The following CYB5B variants were observed in gnomAD, a reference collection of about 807,000 sequenced individuals.
CYB5B encodes the protein cytochrome b5 type B, also known as cytochrome b5 type B (outer mitochondrial membrane).
In CYB5B, 14 loss-of-function variants were observed where a neutral mutation model predicts 21.3. The observed-to-expected ratio is 0.66, with a 90% CI of 0.43 to 1.03. The LOEUF is 1.03. Among genes scored for constraint, CYB5B ranks in the 50% least tolerant of loss-of-function variants. The pLI, the probability that CYB5B is intolerant of heterozygous loss-of-function variation, is 0.00. For missense variants in CYB5B, 166 were observed against 185.1 expected, an observed-to-expected ratio of 0.90 and a Z score of 0.60; for synonymous variants, 69 against 68.4, an observed-to-expected ratio of 1.01 and a Z score of -0.04.
intron 1 of CYB5B, among the ~76,000 whole-genome samples, chr16:69,444,996 G>A (rs2311396): frequency 0.35 from 53,798 of 152,134 alleles, 10,576 homozygotes; most frequent in Admixed American, 0.46. Flanking sequence ...ACTGATGAAA[G>A]TGAAAGTACT....
At chr16:69,425,870 A>G (rs2014639851) in intron 1 of CYB5B, among the ~76,000 whole-genome samples, 1 of 152,176 alleles carries the variant, frequency 6.6e-6, no homozygotes, top group Non-Finnish European at 1.5e-5. Flanking sequence ...TGACTTGTGA[A>G]AGTTCACTTC....
intron 3 of CYB5B, among the ~76,000 whole-genome samples, chr16:69,458,649 G>A (rs1165738468): frequency 2.0e-5 from 3 of 152,098 alleles, no homozygotes; most frequent in Non-Finnish European, 4.4e-5. Context: ...TCATCTGTAT[G>A]ATCTAGAGCA....
intron 1 of CYB5B, among the ~76,000 whole-genome samples, chr16:69,432,840 A>T (rs2014720535): frequency 6.6e-6 from 1 of 152,008 alleles, no homozygotes. Flanking sequence ...TCTATCACCC[A>T]GGCTGGAGTG....
intron 1 of CYB5B, among the ~76,000 whole-genome samples, chr16:69,426,851 A>G (rs1176907060): frequency 1.3e-5 from 2 of 152,178 alleles, no homozygotes; most frequent in East Asian, 1.9e-4. Context: ...TCTTGTCTGC[A>G]TAGCATTACT....
chr16:69,450,712 C>T (rs565154690), intron 3 of CYB5B, among the ~76,000 whole-genome samples: 1 of 152,248 alleles, frequency 6.6e-6, no homozygotes, highest in African/African-American at 2.4e-5. Flanking sequence ...AAATGGAGTT[C>T]ATTTCATTGG....
intron 1 of CYB5B, among the ~76,000 whole-genome samples, chr16:69,437,581 T>C (rs2014774053): frequency 6.6e-6 from 1 of 152,146 alleles, no homozygotes; most frequent in Admixed American, 6.6e-5. Flanking sequence ...TATATAAACC[T>C]AACTTTACTC....
rs1455157493 is a variant in CYB5B at position 69,463,701 on chromosome 16, A to G, written c.*1181A>G. On this transcript the variant is annotated 3_prime_UTR_variant, in exon 5 of 5. Coordinates refer to ENST00000307892, the MANE Select transcript of CYB5B (RefSeq NM_030579.3). ...AAATGGTATTTGAAAGTGAGAGTTC[A>G]TGACAACAGACCGTTTTCCATTTCA... The G allele has an allele frequency of 2.0e-5, 3 of 152,160 alleles. No homozygotes were observed. The highest frequency in any genetic ancestry group is 6.5e-5 in the Admixed American group (1 of 15,280). 9.4% of individuals were successfully genotyped at this position (152,160 alleles called of 1,614,324 possible).
intron 1 of CYB5B, 82 bp downstream of exon 1, chr16:69,424,939 G>C (rs920580813): frequency 1.5e-6 from 2 of 1,356,898 alleles, no homozygotes; most frequent in African/African-American, 3.0e-5. Flanking sequence ...TGGGAAGGAA[G>C]GGAGGCTTGG....
intron 1 of CYB5B, among the ~76,000 whole-genome samples, chr16:69,426,576 G>A (rs542595365): frequency 1.6e-4 from 24 of 151,286 alleles, no homozygotes; most frequent in Non-Finnish European, 2.4e-4. Context: ...CTGGTGGTGG[G>A]CGCCTGTAAT....
At position 69,445,283 on chromosome 16, in the gene CYB5B, T is replaced by G. The variant is rs866599322; in HGVS notation, c.175-1867T>G. On this transcript the variant is annotated intron_variant, in intron 1 of 4. Transcript: ENST00000307892. ...TGAATCGTGGCTGTCTTACTCTTGCTGTAAAATAGCATTCTTAAATACTGG... is the reference window on the plus strand; with the variant it reads ...TGAATCGTGGCTGTCTTACTCTTGCGGTAAAATAGCATTCTTAAATACTGG... Among the ~76,000 whole-genome samples, 3 of 152,346 alleles carry G rather than the reference T, an allele frequency of 2.0e-5. No individual in the cohort carries two copies. The South Asian group carries it at 6.2e-4, about 32-fold the overall frequency.
At chr16:69,432,089 A>G (rs1348669125) in intron 1 of CYB5B, among the ~76,000 whole-genome samples, 3 of 152,208 alleles carry the variant, frequency 2.0e-5, no homozygotes, top group African/African-American at 2.4e-5. Context: ...AGCTGTGTCT[A>G]TAGTGAATGA....
At chr16:69,445,031 CAA>C (rs2014864211) in intron 1 of CYB5B, among the ~76,000 whole-genome samples, 2 of 152,046 alleles carry the variant, frequency 1.3e-5, no homozygotes, top group South Asian at 4.1e-4. Flanking sequence ...TGTAGCAAGT[CAA>C]AAATTCAGTC....
At chr16:69,424,998 CTG>C (rs755136165) in intron 1 of CYB5B, 141 bp downstream of exon 1, 2 of 869,614 alleles carry the variant, frequency 2.3e-6, no homozygotes, top group African/African-American at 1.7e-5. Flanking sequence ...CAGAGGGAAA[CTG>C]GGGTGGGATT....
intron 3 of CYB5B, among the ~76,000 whole-genome samples, chr16:69,457,878 A>G (rs2014997444): frequency 6.6e-6 from 1 of 152,204 alleles, no homozygotes; most frequent in African/African-American, 2.4e-5. Context: ...GCTCTAAAGT[A>G]TATTGGGGCC....
In CYB5B at chr16:69,446,147, A is replaced by G. The variant is rs555111763; in HGVS notation, c.175-1003A>G. Among the ~76,000 whole-genome samples, 4 of 152,236 alleles carry G rather than the reference A, an allele frequency of 2.6e-5. No individual in the cohort carries two copies. The South Asian group carries it at 8.3e-4, about 32-fold the overall frequency. ...TCTTCTGGAGTGCAAAGTGTTTTAT[A>G]TGCTTATCTCATTTAATATGTACAA... On this transcript the variant is annotated intron_variant, in intron 1 of 4. Transcript: ENST00000307892.
chr16:69,455,710 G>A (rs71397974), intron 3 of CYB5B, among the ~76,000 whole-genome samples: 12,750 of 152,036 alleles, frequency 0.084, 624 homozygotes, highest in South Asian at 0.18. Context: ...ACCGCGACTG[G>A]CCTTTTTGTC....
At chr16:69,458,450 A>G (rs2015002647) in intron 3 of CYB5B, among the ~76,000 whole-genome samples, 1 of 152,224 alleles carries the variant, frequency 6.6e-6, no homozygotes. Flanking sequence ...AATGCTGTGA[A>G]GTTTGTAGCA....
intron 1 of CYB5B, among the ~76,000 whole-genome samples, chr16:69,429,953 G>C (rs1478070500): frequency 6.6e-6 from 1 of 152,140 alleles, no homozygotes; most frequent in East Asian, 1.9e-4. Context: ...ACTGGAGTTT[G>C]AATGTGGTAG....
At chr16:69,441,657 G>T (rs2014824577) in intron 1 of CYB5B, among the ~76,000 whole-genome samples, 1 of 152,136 alleles carries the variant, frequency 6.6e-6, no homozygotes, top group African/African-American at 2.4e-5. Flanking sequence ...GCCAGCAGTT[G>T]ATCTCTCTGC....
Sources: gnomAD v4.1 joint callset for allele counts (sites outside exome capture counted in the v4.1 genomes callset) on GRCh38, gnomAD v4.1.1 for gene constraint, MANE v1.5 for transcripts, NCBI Gene and HGNC (gene_info 2026-07-23, HGNC 2026-07-21) for gene names.